Variants in OTOG observed in about 807,000 individuals in gnomAD.
OTOG encodes otogelin.
A neutral mutation model predicts 313.8 loss-of-function variants in OTOG; 296 were observed. The ratio of observed to expected loss-of-function variants is 0.94; its 90% CI spans 0.86 to 1.04. OTOG has a LOEUF of 1.04. OTOG is among the 50% of genes least tolerant of loss of function. The pLI is 0.00. For missense variants in OTOG, 3,948 were observed against 3,840.1 expected (o/e 1.03, Z -0.74); for synonymous variants, 1,533 against 1,554.9 (o/e 0.99, Z 0.33).
intron 49 of OTOG, 76 bp from the exon 50 acceptor site, chr11:17,640,669 G>A: frequency 6.9e-7 from 1 of 1,443,284 alleles, no homozygotes; most frequent in Non-Finnish European, 9.4e-7. Flanking sequence ...CGTAGAGAGG[G>A]GCCCAGGTGG....
chr11:17,644,817 G>A lies in OTOG; in HGVS notation c.8462-747G>A, dbSNP rs558657188. Among the ~76,000 whole-genome samples the A allele has an allele frequency of 2.1e-4, 32 of 152,278 alleles. No individual in the cohort carries two copies. The South Asian group carries it at 5.6e-3, about 27-fold the overall frequency. Reference sequence around the variant, plus strand: ...CTGACAAGACAGTGATTGTCCCCTCGACAAATATAAGCAAGGGAGGGGTCA... The same window carrying A: ...CTGACAAGACAGTGATTGTCCCCTCAACAAATATAAGCAAGGGAGGGGTCA... On this transcript the variant is annotated intron_variant, in intron 54 of 55. Transcript: ENST00000399397.
In OTOG at chr11:17,634,923, C is replaced by T. The variant is rs1187648067; in HGVS notation, c.7560C>T (p.Asp2520=). 1.3e-6 allele frequency: 2 copies of T among 1,548,074 alleles called. No homozygotes were observed. The highest frequency in any genetic ancestry group is 2.7e-5 in the African/African-American group (2 of 72,802). ...GHRLLTHFQE[D]SCCPSYSCEC... ...GCCTCCTCACCCACTTCCAGGAGGACTCCTGCTGCCCCAGCTACAGCTGTG... is the reference window on the plus strand; with the variant it reads ...GCCTCCTCACCCACTTCCAGGAGGATTCCTGCTGCCCCAGCTACAGCTGTG... Residue 2520 remains aspartate (D), a synonymous_variant, in exon 45 of 56, where the codon GAC becomes GAT. Coordinates refer to ENST00000399397, the MANE Select transcript of OTOG (RefSeq NM_001292063.2).
intron 24 of OTOG, among the ~76,000 whole-genome samples, chr11:17,590,298 C>T (rs1852900929): frequency 6.6e-6 from 1 of 152,222 alleles, no homozygotes; most frequent in South Asian, 2.1e-4. Context: ...CCTCAGCCTT[C>T]CCCATCTGAG....
chr11:17,634,949 G>A lies in OTOG; in HGVS notation c.7585+1G>A. ...TCCTGCTGCCCCAGCTACAGCTGTGGTGAGAGGCCCGGGGTGGGGAGGGTG... is the reference window on the plus strand; with the variant it reads ...TCCTGCTGCCCCAGCTACAGCTGTGATGAGAGGCCCGGGGTGGGGAGGGTG... On this transcript the variant is annotated splice_donor_variant, in intron 45 of 55. Transcript: ENST00000399397. LOFTEE classifies it high-confidence loss of function. The A allele has an allele frequency of 6.8e-7, 1 of 1,466,444 alleles. No individual in the cohort carries two copies. Among genetic ancestry groups the A allele is most frequent in the Admixed American group, 2.0e-5 (1 of 49,912 alleles). 90.8% of individuals were successfully genotyped at this position (1,466,444 alleles called of 1,614,324 possible).
rs554404500 is a variant in OTOG, at chr11:17,629,200, G to A, written c.6596G>A (p.Gly2199Asp). The change falls in exon 40 of 56, where the codon GGC becomes GAC. Residue 2199 changes from glycine to aspartate, a missense_variant. By Grantham distance (94) the Gly-to-Asp change is moderately conservative (BLOSUM62 -1). Transcript: ENST00000399397. ...TATGGATTCAGAATTGAGGACACAG[G>A]CCACATGTACATGATCCTGACTCCC... ...SRYGFRIEDT[G>D]HMYMILTPSD... The A allele has an allele frequency of 1.3e-6, 2 of 1,550,588 alleles. No homozygotes were observed. Among genetic ancestry groups the A allele is most frequent in the South Asian group, 2.4e-5 (2 of 84,054 alleles).
At chr11:17,636,667 C>T (rs1854273222) in intron 47 of OTOG, among the ~76,000 whole-genome samples, 1 of 152,108 alleles carries the variant, frequency 6.6e-6, no homozygotes, top group Admixed American at 6.5e-5. Flanking sequence ...TATCCTTTCT[C>T]CTTCTCTTCT....
At chr11:17,619,567 G>T (rs1310126669) in intron 39 of OTOG, among the ~76,000 whole-genome samples, 1 of 150,750 alleles carries the variant, frequency 6.6e-6, no homozygotes, top group African/African-American at 2.4e-5. Flanking sequence ...TTCTCCTTCA[G>T]TGGTTGCTTT....
chr11:17,620,462 T>C (rs1853836601), intron 39 of OTOG, among the ~76,000 whole-genome samples: 3 of 152,246 alleles, frequency 2.0e-5, no homozygotes, highest in African/African-American at 7.2e-5. Flanking sequence ...ATTGTATGTA[T>C]ATACCACAGT....
At chr11:17,607,986 T>G (rs970727372) in intron 33 of OTOG, among the ~76,000 whole-genome samples, 1 of 152,110 alleles carries the variant, frequency 6.6e-6, no homozygotes, top group African/African-American at 2.4e-5. Flanking sequence ...AGGCCTCTTC[T>G]TCGGTCACCC....
In OTOG at chr11:17,611,117, C is replaced by T; in HGVS notation, c.5817C>T (p.Ser1939=). The change falls in exon 36 of 56, where the codon AGC becomes AGT. Residue 1939 remains serine, a synonymous_variant. Transcript: ENST00000399397. The part of the protein sequence containing the change: ...GGPTELTPAT[S]HPLTPLVAEP... The stretch of plus-strand genomic sequence containing the variant: ...CCACAGAGCTCACGCCTGCTACGAG[C>T]CACCCTCTCACGCCCTTGGTGGCTG... 1 of 1,550,552 alleles carries T rather than the reference C, an allele frequency of 6.4e-7. No homozygotes were observed. The highest frequency in any genetic ancestry group is 8.7e-7 in the Non-Finnish European group (1 of 1,146,954).
chr11:17,554,245 G>T (rs1375807480), intron 6 of OTOG, among the ~76,000 whole-genome samples: 1 of 152,180 alleles, frequency 6.6e-6, no homozygotes, highest in Non-Finnish European at 1.5e-5. Flanking sequence ...GTAACTCAAA[G>T]TTCCATATTA....
chr11:17,562,467 C>T (rs1852212597), intron 15 of OTOG, among the ~76,000 whole-genome samples: 1 of 152,110 alleles, frequency 6.6e-6, no homozygotes, highest in South Asian at 2.1e-4. Context: ...TCTAGGATAA[C>T]TCTGTCTTTT....
At chr11:17,562,455 G>T (rs1354802236) in intron 15 of OTOG, among the ~76,000 whole-genome samples, 1 of 152,080 alleles carries the variant, frequency 6.6e-6, no homozygotes, top group Non-Finnish European at 1.5e-5. Context: ...AAGAATGAAT[G>T]TTCTAGGATA....
At position 17,585,746 on chromosome 11, in the gene OTOG, C is replaced by T. The variant is rs573734534; in HGVS notation, c.2760-728C>T. On this transcript the variant is annotated intron_variant, in intron 23 of 55. Transcript: ENST00000399397. ...CAGAAAGTGCTTCCAGGCAGAAAAT[C>T]TGGATACAGGAGCAACTAACAAGGG... Among the ~76,000 whole-genome samples, 16 of 152,304 alleles carry T rather than the reference C, an allele frequency of 1.1e-4. 2 individuals carry two copies. In the South Asian group the frequency reaches 3.3e-3, roughly 32 times the overall value.
In OTOG at chr11:17,611,224, C is replaced by T. The variant is rs762224726; in HGVS notation, c.5924C>T (p.Pro1975Leu). The T allele has an allele frequency of 2.6e-6, 4 of 1,550,464 alleles. No individual in the cohort carries two copies. In the African/African-American group the frequency reaches 4.1e-5, roughly 16 times the overall value. Residue 1975 changes from proline (P) to leucine (L), a missense_variant, in exon 36 of 56, where the codon CCC (proline) becomes CTC (leucine). Coordinates refer to ENST00000399397, the MANE Select transcript of OTOG (RefSeq NM_001292063.2). ...ALSRVSARTA[P>L]QDSMLVLLPQ... The stretch of plus-strand genomic sequence containing the variant: ...AGCCGTGTCTCAGCCAGGACGGCCC[C>T]CCAAGACAGCATGCTGGTTCTGTTG...
intron 15 of OTOG, among the ~76,000 whole-genome samples, chr11:17,565,553 C>T (rs189500353): frequency 1.3e-5 from 2 of 152,288 alleles, no homozygotes; most frequent in African/African-American, 2.4e-5. Flanking sequence ...CCCACACTTA[C>T]AGAGTGGGAA....
chr11:17,640,921 C>G lies in OTOG; in HGVS notation c.8020C>G (p.Pro2674Ala), dbSNP rs549815482. Residue 2674 changes from proline (P) to alanine (A), a missense_variant, in exon 51 of 56, where the codon CCG becomes GCG. By Grantham distance (27) the Pro-to-Ala change is conservative (BLOSUM62 -1). Transcript: ENST00000399397. ...CCTGCATGCCCATCCAGTGAAGGCC[C>G]CGGTGTGTCTGAGCCGCGAGCTGGG... is the stretch of plus-strand genomic sequence containing the variant. ...GCAKYECVKAPVCLSRELGVM... is the reference protein window; with the variant it reads ...GCAKYECVKAAVCLSRELGVM... 1.3e-6 allele frequency: 2 copies of G among 1,548,482 alleles called. No homozygotes were observed. The highest frequency in any genetic ancestry group is 1.7e-4 in the Middle Eastern group (1 of 5,990).
In OTOG at chr11:17,610,571, C is replaced by T; in HGVS notation, c.5271C>T (p.Thr1757=). ...CACCCCGCCCAGCCCAGCATACCAC[C>T]ATGGCCACCAGGTCTCCAGCTCTGC... ...SAPPRPAQHT[T]MATRSPALPP... is the part of the protein sequence containing the mutation. Residue 1757 remains threonine, a synonymous_variant, in exon 36 of 56, where the codon ACC becomes ACT. Coordinates refer to ENST00000399397, the MANE Select transcript of OTOG (RefSeq NM_001292063.2). The T allele has an allele frequency of 1.3e-6, 2 of 1,550,586 alleles. No individual in the cohort carries two copies. The highest frequency in any genetic ancestry group is 2.4e-5 in the South Asian group (2 of 84,006).
intron 39 of OTOG, 74 bp downstream of exon 39, chr11:17,613,775 G>C (rs1250155778): frequency 3.9e-6 from 5 of 1,296,256 alleles, no homozygotes; most frequent in Admixed American, 2.0e-5. Flanking sequence ...AGGGGTGGAG[G>C]GGCTGTGAGG....
Sources: allele counts gnomAD v4.1 joint callset (sites outside exome capture counted in the v4.1 genomes callset), GRCh38; gene constraint gnomAD v4.1.1; transcripts MANE v1.5; gene names NCBI Gene and HGNC (gene_info 2026-07-23, HGNC 2026-07-21).